Variants in FMNL2 observed in about 807,000 individuals in gnomAD.
FMNL2 encodes the protein formin-like protein 2.
A neutral mutation model predicts 130.2 loss-of-function variants in FMNL2; 51 were observed. That is an observed-to-expected ratio of 0.39 (90% confidence interval 0.31 to 0.49). The LOEUF is 0.49. FMNL2 is among the 20% of genes least tolerant of loss of function. The probability of loss-of-function intolerance (pLI) is 0.85; values close to 1 mark genes in which losing one functional copy is unlikely to be tolerated. For missense variants in FMNL2, 977 were observed against 1,316.2 expected, an observed-to-expected ratio of 0.74 and a Z score of 3.99; for synonymous variants, 465 against 467.1, an observed-to-expected ratio of 1.00 and a Z score of 0.06.
In FMNL2 at chr2:152,335,599, C is replaced by T; in HGVS notation, c.-5C>T. On this transcript the variant is annotated 5_prime_UTR_variant, in exon 1 of 26. Transcript: ENST00000288670. Reference sequence around the variant, plus strand: ...AGCAGCCCCCGGCCCCGGCGCGCCGCCGACATGGGCAACGCAGGGAGCATG... The same window carrying T: ...AGCAGCCCCCGGCCCCGGCGCGCCGTCGACATGGGCAACGCAGGGAGCATG... 1 of 1,583,258 alleles carries T rather than the reference C, an allele frequency of 6.3e-7. No individual in the cohort carries two copies. Among genetic ancestry groups the T allele is most frequent in the Non-Finnish European group, 8.6e-7 (1 of 1,164,882 alleles).
intron 1 of FMNL2, among the ~76,000 whole-genome samples, chr2:152,385,246 G>A (rs985411204): frequency 3.9e-5 from 6 of 152,254 alleles, no homozygotes; most frequent in Admixed American, 6.5e-5. Flanking sequence ...TGGGGATGAA[G>A]TGATTTGTTC....
intron 1 of FMNL2, among the ~76,000 whole-genome samples, chr2:152,496,827 A>G (rs1336520015): frequency 1.3e-5 from 2 of 152,000 alleles, no homozygotes; most frequent in Non-Finnish European, 2.9e-5. Context: ...TTTGGCTTGT[A>G]ATGTTCTTTT....
At chr2:152,481,592 G>A (rs1690528739) in intron 1 of FMNL2, among the ~76,000 whole-genome samples, 1 of 152,206 alleles carries the variant, frequency 6.6e-6, no homozygotes, top group African/African-American at 2.4e-5. Flanking sequence ...TCCCAGGTGA[G>A]TCTAACTTGT....
chr2:152,397,004 T>C (rs1403635869), intron 1 of FMNL2, among the ~76,000 whole-genome samples: 1 of 152,220 alleles, frequency 6.6e-6, no homozygotes, highest in Non-Finnish European at 1.5e-5. Flanking sequence ...AGACTAAATA[T>C]GTTATTTCTG....
At chr2:152,542,588 G>A in intron 2 of FMNL2, 151 bp from the exon 3 acceptor site, 1 of 683,942 alleles carries the variant, frequency 1.5e-6, no homozygotes. Flanking sequence ...CTACTACCAA[G>A]ATGCAAAACA....
chr2:152,562,126 A>T (rs1333316240), intron 6 of FMNL2, among the ~76,000 whole-genome samples: 1 of 152,230 alleles, frequency 6.6e-6, no homozygotes, highest in African/African-American at 2.4e-5. Flanking sequence ...CCTGCCTATG[A>T]GGACAGAGAT....
chr2:152,481,180 T>A (rs1467692413), intron 1 of FMNL2, among the ~76,000 whole-genome samples: 1 of 152,210 alleles, frequency 6.6e-6, no homozygotes, highest in Non-Finnish European at 1.5e-5. Context: ...CTTTACATTT[T>A]AAAAAATTTC....
At chr2:152,534,739 A>G (rs975992547) in intron 2 of FMNL2, among the ~76,000 whole-genome samples, 3 of 152,164 alleles carry the variant, frequency 2.0e-5, no homozygotes, top group South Asian at 2.1e-4. Context: ...AACCTACTCA[A>G]TATTACGTAT....
At chr2:152,465,197 C>A (rs894978069) in intron 1 of FMNL2, among the ~76,000 whole-genome samples, 3 of 152,230 alleles carry the variant, frequency 2.0e-5, no homozygotes, top group Non-Finnish European at 4.4e-5. Flanking sequence ...TCCCCTCTGA[C>A]TAGTGGGACA....
intron 24 of FMNL2, among the ~76,000 whole-genome samples, chr2:152,640,351 C>T (rs16831477): frequency 0.027 from 4,054 of 152,284 alleles, 180 homozygotes; most frequent in African/African-American, 0.091. Flanking sequence ...GGCTTAGCAT[C>T]CAGAGAAGGC....
intron 3 of FMNL2, among the ~76,000 whole-genome samples, chr2:152,545,513 A>G (rs1694574420): frequency 6.6e-6 from 1 of 152,208 alleles, no homozygotes; most frequent in Non-Finnish European, 1.5e-5. Context: ...TAAATTAGAT[A>G]TCTCTATGAA....
intron 1 of FMNL2, among the ~76,000 whole-genome samples, chr2:152,396,893 ATTAT>A (rs142448609): frequency 6.6e-6 from 1 of 152,280 alleles, no homozygotes; most frequent in East Asian, 1.9e-4. Flanking sequence ...ACCCCTCATC[ATTAT>A]TTTTAAAGCT....
At position 152,578,003 on chromosome 2, in the gene FMNL2, AG is replaced by A. The variant is rs558279814; in HGVS notation, c.706-880del. 1.0e-3 allele frequency among the ~76,000 whole-genome samples: 152 copies of A among 152,264 alleles called. 5 individuals are homozygous for A. The South Asian group carries it at 0.027, about 27-fold the overall frequency. ...ATGAGTCTATGGAGAGGGAAAAATA[AG>A]GGGGAAGGGAGGAATTTCTGGAACA... On this transcript the variant is annotated intron_variant, in intron 7 of 25. Coordinates refer to ENST00000288670, the MANE Select transcript of FMNL2 (RefSeq NM_052905.4).
chr2:152,434,036 A>G (rs1414106397), intron 1 of FMNL2, among the ~76,000 whole-genome samples: 1 of 152,238 alleles, frequency 6.6e-6, no homozygotes, highest in Admixed American at 6.5e-5. Context: ...ACAGAAGGAC[A>G]TTTATGAGGG....
intron 1 of FMNL2, among the ~76,000 whole-genome samples, chr2:152,458,788 T>A (rs1689088434): frequency 6.6e-6 from 1 of 152,172 alleles, no homozygotes; most frequent in Non-Finnish European, 1.5e-5. Flanking sequence ...ATAATTGACC[T>A]TTCACCCAGA....
At chr2:152,631,461 T>C (rs1385100074) in intron 20 of FMNL2, among the ~76,000 whole-genome samples, 7 of 141,004 alleles carry the variant, frequency 5.0e-5, no homozygotes, top group Non-Finnish European at 9.2e-5. Flanking sequence ...AACACTGCAA[T>C]AGGCGGCAGT....
chr2:152,549,100 AAGTAT>A lies in FMNL2; in HGVS notation c.359+5_359+9del. 2 of 1,596,590 alleles carry A rather than the reference AAGTAT, an allele frequency of 1.3e-6. No homozygotes were observed. Among genetic ancestry groups the A allele is most frequent in the Non-Finnish European group, 1.7e-6 (2 of 1,169,312 alleles). On this transcript the variant is annotated splice_donor_5th_base_variant and intron_variant, in intron 4 of 25. Coordinates refer to ENST00000288670, the MANE Select transcript of FMNL2 (RefSeq NM_052905.4). ...TCTTTGAGAACTAACCACATTGGGT[AAGTAT>A]ACCCCTTTAACATCTTAGCTCTAAA...
chr2:152,512,399 A>G (rs1421488085), intron 1 of FMNL2, among the ~76,000 whole-genome samples: 1 of 152,136 alleles, frequency 6.6e-6, no homozygotes, highest in Non-Finnish European at 1.5e-5. Flanking sequence ...CATCTATTAG[A>G]TGTTGAATCA....
intron 3 of FMNL2, among the ~76,000 whole-genome samples, chr2:152,547,019 T>C (rs2678303): frequency 0.27 from 41,167 of 150,868 alleles, 6,035 homozygotes; most frequent in African/African-American, 0.37. Flanking sequence ...GATTTCGGCT[T>C]GCTGCAACCG....
Sources: gnomAD v4.1 joint callset for allele counts (sites outside exome capture counted in the v4.1 genomes callset) on GRCh38, gnomAD v4.1.1 for gene constraint, MANE v1.5 for transcripts, NCBI Gene and HGNC (gene_info 2026-07-23, HGNC 2026-07-21) for gene names.